The following KCTD1 variants were observed in gnomAD, a reference collection of about 807,000 sequenced individuals.
The protein encoded by KCTD1 is BTB/POZ domain-containing protein KCTD1.
Under a neutral mutation model 66.0 loss-of-function variants are expected in KCTD1, and 24 were observed. That is an observed-to-expected ratio of 0.36 (90% CI 0.26 to 0.51). KCTD1 has a LOEUF of 0.51. Ranked by LOEUF, KCTD1 falls within the 20% of genes least tolerant of loss-of-function variation. The pLI is 0.95. For missense variants in KCTD1, 943 were observed against 1,205.2 expected (o/e 0.78, Z 3.22); for synonymous variants, 511 against 517.2 (o/e 0.99, Z 0.16).
At chr18:26,601,329 A>T (rs983693790) in intron 1 of KCTD1, among the ~76,000 whole-genome samples, 7,829 of 143,682 alleles carry the variant, frequency 0.054, 255 homozygotes, top group Admixed American at 0.071. Context: ...TCATTGGTAA[A>T]AAAAAAAAAA....
intron 1 of KCTD1, among the ~76,000 whole-genome samples, chr18:26,608,579 G>A (rs758602858): frequency 1.1e-4 from 17 of 152,190 alleles, no homozygotes; most frequent in Non-Finnish European, 2.4e-4. Flanking sequence ...GGGCAGGGTC[G>A]GTGGGCTGCT....
chr18:26,564,715 C>A (rs1273920468), intron 1 of KCTD1, among the ~76,000 whole-genome samples: 1 of 151,960 alleles, frequency 6.6e-6, no homozygotes, highest in East Asian at 1.9e-4. Flanking sequence ...CATGGTGAAA[C>A]CCTGTCTCCA....
upstream of KCTD1, among the ~76,000 whole-genome samples, chr18:26,632,421 C>A (rs1194529952): frequency 1.3e-5 from 2 of 151,996 alleles, no homozygotes; most frequent in African/African-American, 4.8e-5. Flanking sequence ...CAAAATAAAT[C>A]AACATAAAGA....
chr18:26,631,525 T>C (rs1987617433), upstream of KCTD1, among the ~76,000 whole-genome samples: 1 of 152,210 alleles, frequency 6.6e-6, no homozygotes, highest in Admixed American at 6.5e-5. Context: ...CTACTGTATA[T>C]GTGGTCTGTC....
chr18:26,506,558 T>A (rs1398330907), intron 1 of KCTD1, among the ~76,000 whole-genome samples: 3 of 152,218 alleles, frequency 2.0e-5, no homozygotes, highest in African/African-American at 7.2e-5. Flanking sequence ...ACTTATTTTT[T>A]TCTCCAAGGT....
At chr18:26,645,189 C>G (rs1987907633), upstream of KCTD1, among the ~76,000 whole-genome samples, 1 of 152,174 alleles carries the variant, frequency 6.6e-6, no homozygotes, top group Non-Finnish European at 1.5e-5. Context: ...CAAAAGGCTT[C>G]AAAAGAGGGT....
At chr18:26,643,353 G>C (rs909435332), upstream of KCTD1, among the ~76,000 whole-genome samples, 1 of 152,116 alleles carries the variant, frequency 6.6e-6, no homozygotes, top group Non-Finnish European at 1.5e-5. Flanking sequence ...CATGGGGGTG[G>C]GGTTTCAACA....
chr18:26,550,821 C>T (rs916780615), upstream of KCTD1, among the ~76,000 whole-genome samples: 1 of 152,274 alleles, frequency 6.6e-6, no homozygotes, highest in African/African-American at 2.4e-5. The surrounding 1 kb of genome is among the most constrained non-coding windows in gnomAD (Gnocchi z 5.4). Flanking sequence ...ACACTAGTCA[C>T]ACACGGCTAA....
In KCTD1 at chr18:26,608,365, G is replaced by C. The variant is rs114114259; in HGVS notation, c.-16+20782C>G. On this transcript the variant is annotated intron_variant, in intron 1 of 4. Coordinates refer to the KCTD1 transcript ENST00000317932. ...AATTGGCAACTAGGTAGGATCTTGT[G>C]ATCTGTGGTTTTTCAGTTCTTTAGT... Among the ~76,000 whole-genome samples, 1,294 of 152,290 alleles carry C rather than the reference G, an allele frequency of 8.5e-3. 22 individuals carry two copies. Among genetic ancestry groups the C allele is most frequent in the African/African-American group, 0.029 (1,223 of 41,554 alleles).
At chr18:26,638,700 TG>T (rs1987773138) in intron 1 of KCTD1, among the ~76,000 whole-genome samples, 1 of 152,360 alleles carries the variant, frequency 6.6e-6, no homozygotes, top group South Asian at 2.1e-4. Context: ...TGGGAGCTCT[TG>T]GTGCTGTCTT....
intron 1 of KCTD1, among the ~76,000 whole-genome samples, chr18:26,656,670 C>T (rs1988151990): frequency 6.6e-6 from 1 of 150,750 alleles, no homozygotes; most frequent in African/African-American, 2.4e-5. Context: ...GCGTCTTTCA[C>T]GGGGCGTCCG....
chr18:26,514,200 C>G (rs1983509113), intron 1 of KCTD1, among the ~76,000 whole-genome samples: 2 of 152,100 alleles, frequency 1.3e-5, no homozygotes, highest in South Asian at 4.1e-4. Context: ...CTCTTGTAAG[C>G]AGAATCGGTG....
upstream of KCTD1, among the ~76,000 whole-genome samples, chr18:26,629,848 G>C (rs1238395224): frequency 2.0e-5 from 3 of 151,884 alleles, no homozygotes; most frequent in South Asian, 6.2e-4. Flanking sequence ...CTCCTGAGTA[G>C]CTGGGATTAT....
chr18:26,583,349 G>C (rs113739632), intron 1 of KCTD1, among the ~76,000 whole-genome samples: 31 of 133,248 alleles, frequency 2.3e-4, no homozygotes, highest in African/African-American at 7.9e-4. Context: ...AGCTGAGATC[G>C]CATAATTGCA....
At chr18:26,500,946 G>T in intron 2 of KCTD1, 126 bp downstream of exon 2, 1 of 978,826 alleles carries the variant, frequency 1.0e-6, no homozygotes, top group Non-Finnish European at 1.5e-6. Context: ...CAGCAGGGTG[G>T]CTCACACAGC....
chr18:26,551,927 C>A (rs1985580422), upstream of KCTD1, among the ~76,000 whole-genome samples: 1 of 152,240 alleles, frequency 6.6e-6, no homozygotes, highest in Non-Finnish European at 1.5e-5. Context: ...ACAATCGAAG[C>A]TGCCGGTCAC....
chr18:26,574,332 A>C (rs971889915), intron 1 of KCTD1, among the ~76,000 whole-genome samples: 1 of 152,212 alleles, frequency 6.6e-6, no homozygotes, highest in Admixed American at 6.5e-5. Context: ...CCCTCCGTGC[A>C]TGTTGCCATG....
At chr18:26,562,238 C>G (rs1019306717) in intron 1 of KCTD1, among the ~76,000 whole-genome samples, 1 of 152,026 alleles carries the variant, frequency 6.6e-6, no homozygotes, top group African/African-American at 2.4e-5. Context: ...AATTGTGTCT[C>G]AAGATTTGTT....
At position 26,557,532 on chromosome 18, in the gene KCTD1, T is replaced by C. The variant is rs1339874433; in HGVS notation, c.-15-56282A>G. 3.9e-5 allele frequency among the ~76,000 whole-genome samples: 6 copies of C among 152,242 alleles called. No homozygotes were observed. The East Asian group carries it at 1.2e-3, about 29-fold the overall frequency. ...TTACCTGGAGAACTTGCTTAAAATA[T>C]GCATATTCACGGGTGCCAACTTCAG... is the stretch of plus-strand genomic sequence containing the variant. On this transcript the variant is annotated intron_variant, in intron 1 of 4. Coordinates refer to the KCTD1 transcript ENST00000317932.
Sources: gnomAD v4.1 joint callset for allele counts (sites outside exome capture counted in the v4.1 genomes callset) on GRCh38, gnomAD v4.1.1 for gene constraint, Gnocchi (gnomAD v3.1) non-coding constraint, MANE v1.5 for transcripts, NCBI Gene and HGNC (gene_info 2026-07-23, HGNC 2026-07-21) for gene names.